The following PDE1C variants were observed in gnomAD, a reference collection of about 807,000 sequenced individuals.
The protein encoded by PDE1C is phosphodiesterase 1C.
Under a neutral mutation model 93.1 loss-of-function variants are expected in PDE1C, and 62 were observed. The ratio of observed to expected loss-of-function variants is 0.67; its 90% CI spans 0.54 to 0.82. The LOEUF is 0.82. PDE1C is among the 40% of genes least tolerant of loss of function. The pLI is 0.00. For synonymous variants in PDE1C, 325 were observed against 310.1 expected, an observed-to-expected ratio of 1.05 and a Z score of -0.50; for missense variants, 742 against 884.6, an observed-to-expected ratio of 0.84 and a Z score of 2.04.
At chr7:32,008,907 G>T (rs754305760) in intron 2 of PDE1C, among the ~76,000 whole-genome samples, 3 of 141,962 alleles carry the variant, frequency 2.1e-5, no homozygotes, top group Non-Finnish European at 4.5e-5. Context: ...CCAAATGAAG[G>T]GTTCAAAAAT....
At chr7:32,141,770 G>A (rs1195955544) in intron 3 of PDE1C, among the ~76,000 whole-genome samples, 1 of 152,070 alleles carries the variant, frequency 6.6e-6, no homozygotes, top group Non-Finnish European at 1.5e-5. Flanking sequence ...AAAGTTTGAA[G>A]TTTAGTCAAT....
At position 32,186,087 on chromosome 7, in the gene PDE1C, GTTT is replaced by G. The variant is rs10561469; in HGVS notation, c.137-16134_137-16132del. On this transcript the variant is annotated intron_variant, in intron 2 of 18. Transcript: ENST00000396193. ...ACTTTTTTCCCTAATTTGTTTTTTTGTTTTTTTTTTTTTTTTTTTTTTTTTTGA... is the reference window on the plus strand; with the variant it reads ...ACTTTTTTCCCTAATTTGTTTTTTTGTTTTTTTTTTTTTTTTTTTTTTTGA... 4.7e-3 allele frequency among the ~76,000 whole-genome samples: 605 copies of G among 128,288 alleles called. 4 individuals carry two copies. Among genetic ancestry groups the G allele is most frequent in the African/African-American group, 0.01 (356 of 34,208 alleles). 84.2% of individuals were successfully genotyped at this position (128,288 alleles called of 152,430 possible). A position where few individuals can be genotyped will look rare whatever the true frequency, so the allele number is the denominator to read the frequency against.
upstream of PDE1C, among the ~76,000 whole-genome samples, chr7:32,303,732 T>C (rs953490754): frequency 3.3e-5 from 5 of 152,278 alleles, no homozygotes; most frequent in East Asian, 9.7e-4. Flanking sequence ...CAAATTCTAT[T>C]TCCACAAAGG....
At chr7:32,262,284 C>A (rs1288653404) in intron 1 of PDE1C, among the ~76,000 whole-genome samples, 2 of 151,988 alleles carry the variant, frequency 1.3e-5, no homozygotes, top group East Asian at 3.8e-4. Context: ...AGTCTGTGGC[C>A]CCCTCCTATC....
chr7:31,975,127 A>G (rs1811485118), intron 2 of PDE1C, among the ~76,000 whole-genome samples: 1 of 152,156 alleles, frequency 6.6e-6, no homozygotes, highest in South Asian at 2.1e-4. Context: ...AAGTGGCTGC[A>G]TACTACAGTC....
intron 13 of PDE1C, 63 bp from the exon 14 acceptor site, chr7:31,823,311 G>A: frequency 2.1e-6 from 3 of 1,417,064 alleles, no homozygotes; most frequent in Non-Finnish European, 2.9e-6. Flanking sequence ...CTGCCAATGA[G>A]CAAGCCCAGA....
Position 32,261,757 on chromosome 7 carries a change from A to G in PDE1C, c.85+36894T>C, listed in dbSNP as rs1264582952. On this transcript the variant is annotated intron_variant, in intron 1 of 18. Coordinates refer to the PDE1C transcript ENST00000396193. ...TATAGTTAGAACAATGTGAATCAGA[A>G]AAGCTAGGCAGACATTTTGGTGGAT... Among the ~76,000 whole-genome samples the G allele has an allele frequency of 5.3e-5, 8 of 152,268 alleles. 1 individual carries two copies. The highest frequency in any genetic ancestry group is 4.6e-4 in the Admixed American group (7 of 15,292).
intron 1 of PDE1C, among the ~76,000 whole-genome samples, chr7:32,235,276 A>G (rs1807993738): frequency 6.6e-6 from 1 of 152,048 alleles, no homozygotes; most frequent in Admixed American, 6.5e-5. Flanking sequence ...CAGTGCAATA[A>G]GGCAAGAAAA....
intron 1 of PDE1C, among the ~76,000 whole-genome samples, chr7:32,414,773 TAGACAC>T (rs1243300131): frequency 6.6e-6 from 1 of 150,452 alleles, no homozygotes; most frequent in Non-Finnish European, 1.5e-5. Context: ...ACAAACAACT[TAGACAC>T]AGGTGAAGAT....
At chr7:32,427,308 C>T (rs552003993) in intron 1 of PDE1C, among the ~76,000 whole-genome samples, 71 of 152,042 alleles carry the variant, frequency 4.7e-4, no homozygotes, top group Non-Finnish European at 8.5e-4. Flanking sequence ...AGTATCTTGC[C>T]CAAGATCGCA....
intron 1 of PDE1C, among the ~76,000 whole-genome samples, chr7:32,348,002 C>T (rs1783887690): frequency 6.6e-6 from 1 of 152,128 alleles, no homozygotes; most frequent in African/African-American, 2.4e-5. Flanking sequence ...AGGAAGCACC[C>T]TTACCTTTGT....
At chr7:32,337,124 A>C (rs1441705140) in intron 1 of PDE1C, among the ~76,000 whole-genome samples, 1 of 151,106 alleles carries the variant, frequency 6.6e-6, no homozygotes, top group African/African-American at 2.4e-5. Flanking sequence ...GAGGCTCCCT[A>C]CCTCTGGTCT....
At chr7:31,896,143 G>A (rs1172597197) in intron 2 of PDE1C, among the ~76,000 whole-genome samples, 1 of 152,114 alleles carries the variant, frequency 6.6e-6, no homozygotes, top group African/African-American at 2.4e-5. Flanking sequence ...ATCTGGCCCT[G>A]CTATATGTAC....
At chr7:31,802,496 T>C (rs1029586176) in intron 16 of PDE1C, among the ~76,000 whole-genome samples, 3 of 151,704 alleles carry the variant, frequency 2.0e-5, no homozygotes, top group Admixed American at 2.0e-4. Context: ...TTTACCTATG[T>C]AGTTGCCATT....
chr7:32,269,488 T>G (rs1164427452), intron 1 of PDE1C, among the ~76,000 whole-genome samples: 1 of 152,098 alleles, frequency 6.6e-6, no homozygotes, highest in East Asian at 1.9e-4. Flanking sequence ...GTTTTTTGGT[T>G]TTTTCTTTTT....
intron 1 of PDE1C, among the ~76,000 whole-genome samples, chr7:32,226,945 G>A (rs903836225): frequency 5.3e-5 from 8 of 152,168 alleles, no homozygotes; most frequent in Admixed American, 3.3e-4. Context: ...GTCAGGGGCC[G>A]TTAGGAACAG....
intron 2 of PDE1C, among the ~76,000 whole-genome samples, chr7:32,006,449 G>A: frequency 6.6e-6 from 1 of 152,232 alleles, no homozygotes; most frequent in Non-Finnish European, 1.5e-5. Flanking sequence ...CTACAGTGGT[G>A]AATGTTCACA....
intron 1 of PDE1C, among the ~76,000 whole-genome samples, chr7:32,321,529 A>T (rs1042478920): frequency 1.3e-5 from 2 of 152,208 alleles, no homozygotes; most frequent in African/African-American, 4.8e-5. Context: ...CATAAAATAG[A>T]TGCCCCAGAG....
chr7:31,703,932 C>G, the PDE1C span, among the ~76,000 whole-genome samples: 1 of 152,204 alleles, frequency 6.6e-6, no homozygotes, highest in African/African-American at 2.4e-5. Context: ...GCTTAGCCTA[C>G]AGTTGCCAGG....
Sources: allele counts gnomAD v4.1 joint callset (sites outside exome capture counted in the v4.1 genomes callset), GRCh38; gene constraint gnomAD v4.1.1; transcripts MANE v1.5; gene names NCBI Gene and HGNC (gene_info 2026-07-23, HGNC 2026-07-21).